The following RALYL variants were observed in gnomAD, a reference collection of about 807,000 sequenced individuals.
RALYL encodes RNA-binding Raly-like protein.
A neutral mutation model predicts 35.1 loss-of-function variants in RALYL; 29 were observed. The observed-to-expected ratio is 0.83, with a 90% CI of 0.61 to 1.13. The LOEUF (loss-of-function observed/expected upper bound fraction) is 1.13. RALYL is among the 50% of genes most tolerant of loss of function. RALYL has a pLI of 0.00. For synonymous variants in RALYL, 120 were observed against 127.6 expected, an observed-to-expected ratio of 0.94 and a Z score of 0.40; for missense variants, 359 against 360.4, an observed-to-expected ratio of 1.00 and a Z score of 0.03.
intron 2 of RALYL, among the ~76,000 whole-genome samples, chr8:84,680,838 G>C (rs1165079189): frequency 6.6e-6 from 1 of 151,986 alleles, no homozygotes; most frequent in African/African-American, 2.4e-5. Context: ...TTGCTGTGCA[G>C]AAGCTCTTTA....
chr8:84,481,004 C>T (rs2053983825), intron 1 of RALYL, among the ~76,000 whole-genome samples: 1 of 152,098 alleles, frequency 6.6e-6, no homozygotes, highest in African/African-American at 2.4e-5. Flanking sequence ...GCTTACAGAT[C>T]TCTGAACATA....
At chr8:84,897,433 G>C (rs1021671508) in intron 8 of RALYL, among the ~76,000 whole-genome samples, 6 of 152,166 alleles carry the variant, frequency 3.9e-5, no homozygotes, top group Non-Finnish European at 5.9e-5. Flanking sequence ...ATTATGATTT[G>C]ATTTCAGTTT....
rs1837988633 is a variant in RALYL at position 84,691,234 on chromosome 8, G to C, written c.257-83345G>C. 2.0e-5 allele frequency among the ~76,000 whole-genome samples: 3 copies of C among 151,914 alleles called. No homozygotes were observed. In the South Asian group the frequency reaches 6.2e-4, roughly 32 times the overall value. On this transcript the variant is annotated intron_variant, in intron 2 of 8. Transcript: ENST00000521268. ...TAGAAATGATAAATGGGCTTGTGAT[G>C]AACTCTCCTGAAGGAAAGCCAAAGG...
At chr8:84,285,294 G>T (rs1837377170) in intron 1 of RALYL, among the ~76,000 whole-genome samples, 1 of 152,196 alleles carries the variant, frequency 6.6e-6, no homozygotes. Flanking sequence ...GATCTAAAAA[G>T]TCATTTAAGT....
chr8:84,565,471 GATT>G lies in RALYL; in HGVS notation c.256+35897_256+35899del, dbSNP rs574818841. Reference sequence around the variant, plus strand: ...GAAGAGAATTCCTATAATTAAATAAGATTATGCTGTATATGAAAAAGGTTTTAT... The same window carrying G: ...GAAGAGAATTCCTATAATTAAATAAGATGCTGTATATGAAAAAGGTTTTAT... On this transcript the variant is annotated intron_variant, in intron 2 of 8. Coordinates refer to ENST00000521268, the MANE Select transcript of RALYL (RefSeq NM_173848.7). Among the ~76,000 whole-genome samples the G allele has an allele frequency of 4.1e-4, 62 of 151,586 alleles. No individual in the cohort carries two copies. The East Asian group carries it at 0.012, about 29-fold the overall frequency.
intron 2 of RALYL, among the ~76,000 whole-genome samples, chr8:84,659,142 TGGA>T (rs1300053671): frequency 1.3e-5 from 2 of 152,034 alleles, no homozygotes; most frequent in African/African-American, 4.8e-5. Flanking sequence ...TGTTGCAGAG[TGGA>T]TTCTCCAGGA....
chr8:84,705,455 T>G (rs1841031825), intron 2 of RALYL, among the ~76,000 whole-genome samples: 1 of 152,110 alleles, frequency 6.6e-6, no homozygotes, highest in South Asian at 2.1e-4. Context: ...GCAATTTCTG[T>G]TTTGCCTGAG....
intron 4 of RALYL, among the ~76,000 whole-genome samples, chr8:84,822,724 C>T (rs572264658): frequency 1.2e-4 from 19 of 152,200 alleles, no homozygotes; most frequent in African/African-American, 4.6e-4. Flanking sequence ...ACTTAACTAA[C>T]AATATGTCTT....
chr8:84,565,608 A>G (rs1588210300), intron 2 of RALYL, among the ~76,000 whole-genome samples: 1 of 151,646 alleles, frequency 6.6e-6, no homozygotes, highest in Admixed American at 6.6e-5. Context: ...CAATAGGATT[A>G]TTAGTTCAAT....
At chr8:84,617,849 A>T (rs1465474507) in intron 2 of RALYL, among the ~76,000 whole-genome samples, 5 of 151,770 alleles carry the variant, frequency 3.3e-5, no homozygotes, top group African/African-American at 7.3e-5. Context: ...TATTGAGATA[A>T]TCATGTGGTT....
At chr8:84,418,809 C>T (rs73306322) in intron 1 of RALYL, among the ~76,000 whole-genome samples, 4,461 of 152,232 alleles carry the variant, frequency 0.029, 218 homozygotes, top group African/African-American at 0.1. Flanking sequence ...GTTTGTCTCC[C>T]TCCACAAACC....
chr8:84,362,125 A>G (rs947747870), intron 1 of RALYL, among the ~76,000 whole-genome samples: 52 of 152,266 alleles, frequency 3.4e-4, no homozygotes, highest in African/African-American at 1.3e-3. Context: ...GCATTTATTC[A>G]TTCTTCATTC....
chr8:84,799,026 T>C (rs1468990503), intron 3 of RALYL, among the ~76,000 whole-genome samples: 2 of 152,164 alleles, frequency 1.3e-5, no homozygotes, highest in African/African-American at 4.8e-5. Flanking sequence ...ATAAATATAG[T>C]AATAAAGTTA....
chr8:84,537,615 A>G (rs1288443296), intron 2 of RALYL, among the ~76,000 whole-genome samples: 1 of 152,168 alleles, frequency 6.6e-6, no homozygotes, highest in Non-Finnish European at 1.5e-5. Context: ...GATTCATAGA[A>G]ATATATTGCC....
chr8:84,600,181 T>G (rs2130726880), intron 2 of RALYL, among the ~76,000 whole-genome samples: 1 of 152,254 alleles, frequency 6.6e-6, no homozygotes, highest in Non-Finnish European at 1.5e-5. Context: ...ACTATTTTGC[T>G]TTTTCCCTTC....
At chr8:84,431,895 G>T (rs1311823778) in intron 1 of RALYL, among the ~76,000 whole-genome samples, 1 of 152,092 alleles carries the variant, frequency 6.6e-6, no homozygotes, top group Non-Finnish European at 1.5e-5. Context: ...ATTTCCTTTG[G>T]TTATATACCC....
intron 2 of RALYL, among the ~76,000 whole-genome samples, chr8:84,748,485 C>G (rs1809184914): frequency 6.6e-6 from 1 of 151,946 alleles, no homozygotes; most frequent in Non-Finnish European, 1.5e-5. Flanking sequence ...TAATCCTGCC[C>G]CATTTTCCTA....
At chr8:84,747,448 TTCTC>T (rs1808881255) in intron 2 of RALYL, among the ~76,000 whole-genome samples, 1 of 151,922 alleles carries the variant, frequency 6.6e-6, no homozygotes, top group African/African-American at 2.4e-5. Context: ...GAGATTGAAT[TTCTC>T]TATATAGTTA....
chr8:84,540,425 A>G (rs1022119882), intron 2 of RALYL, among the ~76,000 whole-genome samples: 3 of 151,948 alleles, frequency 2.0e-5, no homozygotes, highest in African/African-American at 7.2e-5. Flanking sequence ...GATGAATTTT[A>G]TCAAGTATAT....
Sources: allele counts gnomAD v4.1 joint callset (sites outside exome capture counted in the v4.1 genomes callset), GRCh38; gene constraint gnomAD v4.1.1; transcripts MANE v1.5; gene names NCBI Gene and HGNC (gene_info 2026-07-23, HGNC 2026-07-21).